Variants in SLAIN1 observed in about 807,000 individuals in gnomAD.
SLAIN1 encodes the protein SLAIN family member 1, also known as SLAIN motif-containing protein 1.
A neutral mutation model predicts 55.4 loss-of-function variants in SLAIN1; 17 were observed. The observed-to-expected ratio is 0.31, with a 90% CI of 0.21 to 0.46. SLAIN1 has a LOEUF of 0.46. Among genes scored for constraint, SLAIN1 ranks in the 20% least tolerant of loss-of-function variants. The pLI, the probability that SLAIN1 is intolerant of heterozygous loss-of-function variation, is 1.00. For missense variants in SLAIN1, 682 were observed against 785.1 expected (o/e 0.87, Z 1.57); for synonymous variants, 348 against 337.4 (o/e 1.03, Z -0.35).
chr13:77,744,301 C>A lies in SLAIN1; in HGVS notation c.785C>A (p.Ser262Tyr). 6.2e-7 allele frequency: 1 copy of A among 1,612,612 alleles called. No individual in the cohort carries two copies. The highest frequency in any genetic ancestry group is 8.5e-7 in the Non-Finnish European group (1 of 1,179,074). ...RLEQGYTSRG[S>Y]PLSPQSSIDS... ...GTTTCAGGTTACACTTCCAGGGGCT[C>A]CCCACTCAGTCCCCAGTCATCTATC... The change falls in exon 3 of 7, where the codon TCC becomes TAC. Residue 262 changes from serine (S) to tyrosine (Y), a missense_variant. Ser to Tyr is a moderately radical substitution (Grantham distance 144). Transcript: ENST00000418532.
At position 77,721,206 on chromosome 13, in the gene SLAIN1, G is replaced by A. The variant is rs532515289; in HGVS notation, c.766+1535G>A. On this transcript the variant is annotated intron_variant, in intron 2 of 6. Transcript: ENST00000418532. ...CATGAGAGCTGATGGTGTTAAGTGT[G>A]GCACTTCCTCGCTCTTTCACTTTCT... Among the ~76,000 whole-genome samples, 34 of 152,152 alleles carry A rather than the reference G, an allele frequency of 2.2e-4. No homozygotes were observed. In the South Asian group the frequency reaches 6.9e-3, roughly 31 times the overall value.
intron 1 of SLAIN1, among the ~76,000 whole-genome samples, chr13:77,702,238 T>G (rs191443962): frequency 1.3e-5 from 2 of 152,200 alleles, no homozygotes; most frequent in African/African-American, 4.8e-5. Context: ...CTTATAGCCC[T>G]ATAGTAAAAC....
intron 2 of SLAIN1, among the ~76,000 whole-genome samples, chr13:77,727,504 C>CAAAA (rs527496050): frequency 8.3e-6 from 1 of 120,326 alleles, no homozygotes; most frequent in African/African-American, 3.0e-5. Flanking sequence ...CTAGCCAAGC[C>CAAAA]AAAAAAAAAA....
intron 2 of SLAIN1, among the ~76,000 whole-genome samples, chr13:77,723,292 G>T (rs1265595933): frequency 6.6e-6 from 1 of 152,076 alleles, no homozygotes; most frequent in Non-Finnish European, 1.5e-5. Flanking sequence ...AGCCATCATG[G>T]TGGGACTTTC....
In SLAIN1 at chr13:77,761,082, C is replaced by A. The variant is rs773067800; in HGVS notation, c.1669C>A (p.Arg557=). 20 of 1,614,070 alleles carry A rather than the reference C, an allele frequency of 1.2e-5. No homozygotes were observed. The highest frequency in any genetic ancestry group is 1.6e-5 in the Non-Finnish European group (19 of 1,179,992). The change falls in exon 6 of 7, where the codon CGA becomes AGA. Residue 557 remains arginine, a synonymous_variant. Transcript: ENST00000418532. ...SLAINGSNLP[R]SKIAQPVRSF... ...GGCAATAAATGGGAGTAACCTGCCT[C>A]GAAGCAAAATTGCACAACCTGTTAG...
Position 77,698,220 on chromosome 13 carries a change from G to C in SLAIN1, c.307G>C (p.Gly103Arg). 7.7e-7 allele frequency: 1 copy of C among 1,305,692 alleles called. No homozygotes were observed. Among genetic ancestry groups the C allele is most frequent in the Non-Finnish European group, 9.7e-7 (1 of 1,026,660 alleles). The allele number at this position is 1,305,692 out of a possible 1,614,324, so 80.9% of individuals were successfully genotyped here. ...GGGCCTGGGGCTCGGGCTGGCGCTG[G>C]GCGCGGGGGGCGGTGGCGGCAGCGG... The part of the protein sequence containing the change: ...SGGLGLGLAL[G>R]AGGGGGSGSG... Residue 103 changes from glycine to arginine, a missense_variant, in exon 1 of 7, where the codon GGC becomes CGC. Around this residue, in one of 3 missense-constraint regions of SLAIN1, gnomAD observed 401 missense variants for 417.3 expected, o/e 0.96. Coordinates refer to ENST00000418532, the MANE Select transcript of SLAIN1 (RefSeq NM_001242868.2). The surrounding 1 kb of genome is among the most constrained non-coding windows in gnomAD (Gnocchi z 4.1).
At chr13:77,760,432 A>G (rs1439933618) in intron 5 of SLAIN1, among the ~76,000 whole-genome samples, 1 of 152,204 alleles carries the variant, frequency 6.6e-6, no homozygotes, top group Non-Finnish European at 1.5e-5. Flanking sequence ...TCTTTTCTGT[A>G]ATTACAACTA....
intron 2 of SLAIN1, among the ~76,000 whole-genome samples, chr13:77,738,643 C>G (rs1248316349): frequency 6.6e-6 from 1 of 152,070 alleles, no homozygotes; most frequent in Admixed American, 6.6e-5. Context: ...CATGTTCTCA[C>G]TTATAAGTGG....
intron 4 of SLAIN1, among the ~76,000 whole-genome samples, chr13:77,747,413 G>A (rs1204149126): frequency 6.6e-6 from 1 of 152,086 alleles, no homozygotes. Context: ...TAGCTGGCTC[G>A]GAATGAGTTA....
rs887567705 is a variant in SLAIN1, at chr13:77,698,785, C to A, written c.626+246C>A. ...GCGGATGAACCGGCCCCCCCTTCCC[C>A]CCATCTGCCATGGGTTCTGCTATTT... On this transcript the variant is annotated intron_variant, in intron 1 of 6. Transcript: ENST00000418532. This position sits in a 1 kb window ranked among gnomAD's most constrained non-coding sequence, Gnocchi z 4.1. 8.7e-6 allele frequency: 11 copies of A among 1,267,342 alleles called. No homozygotes were observed. The highest frequency in any genetic ancestry group is 1.2e-5 in the Non-Finnish European group (11 of 952,732). 78.5% of individuals were successfully genotyped at this position (1,267,342 alleles called of 1,614,324 possible). A position where few individuals can be genotyped will look rare whatever the true frequency, so the allele number is the denominator to read the frequency against.
intron 5 of SLAIN1, among the ~76,000 whole-genome samples, chr13:77,759,116 T>G (rs191898098): frequency 6.6e-6 from 1 of 152,286 alleles, no homozygotes; most frequent in Admixed American, 6.5e-5. Context: ...CAACAGTGTT[T>G]TGTAGTTTTC....
At chr13:77,762,931 A>G (rs937969162) in intron 6 of SLAIN1, among the ~76,000 whole-genome samples, 1 of 152,184 alleles carries the variant, frequency 6.6e-6, no homozygotes, top group Non-Finnish European at 1.5e-5. Context: ...GTGCAAATAC[A>G]ACATGCATGA....
intron 2 of SLAIN1, among the ~76,000 whole-genome samples, chr13:77,738,797 A>G (rs1873264704): frequency 6.6e-6 from 1 of 152,038 alleles, no homozygotes; most frequent in Non-Finnish European, 1.5e-5. Context: ...CCTAACTGAA[A>G]CCAAGCCAGA....
chr13:77,728,020 G>T (rs539693307), intron 2 of SLAIN1, among the ~76,000 whole-genome samples: 64 of 152,256 alleles, frequency 4.2e-4, no homozygotes, highest in Non-Finnish European at 7.9e-4. Context: ...ACAGGTATTT[G>T]TTAGGGATCT....
chr13:77,763,174 C>T lies in SLAIN1; in HGVS notation c.1727C>T (p.Ser576Leu). 1 of 1,614,076 alleles carries T rather than the reference C, an allele frequency of 6.2e-7. No homozygotes were observed. The highest frequency in any genetic ancestry group is 8.5e-7 in the Non-Finnish European group (1 of 1,179,938). The part of the protein sequence containing the change: ...SFLQPPKPLS[S>L]LSTLRDGNWR... ...CTTCAGCCTCCAAAGCCTCTGTCTT[C>T]ACTCAGCACTCTGAGGGATGGAAAT... Residue 576 changes from serine (S) to leucine (L), a missense_variant, in exon 7 of 7, where the codon TCA becomes TTA. Transcript: ENST00000418532.
intron 1 of SLAIN1, among the ~76,000 whole-genome samples, chr13:77,717,881 C>T (rs1566225897): frequency 6.6e-6 from 1 of 152,098 alleles, no homozygotes; most frequent in South Asian, 2.1e-4. Context: ...AGGCATGAGA[C>T]ATTGAGAATA....
At chr13:77,700,293 A>G (rs762597683) in intron 1 of SLAIN1, among the ~76,000 whole-genome samples, 134 of 152,322 alleles carry the variant, frequency 8.8e-4, no homozygotes, top group Non-Finnish European at 1.3e-3. Context: ...TGGTATTAGT[A>G]TATTAGCTCT....
intron 1 of SLAIN1, among the ~76,000 whole-genome samples, chr13:77,700,851 T>TA (rs1341660493): frequency 2.6e-5 from 4 of 152,128 alleles, no homozygotes; most frequent in Non-Finnish European, 5.9e-5. Context: ...ATGCTCATTG[T>TA]AAAAAAACTA....
intron 2 of SLAIN1, among the ~76,000 whole-genome samples, chr13:77,730,707 T>C (rs1289102438): frequency 2.0e-5 from 3 of 152,176 alleles, no homozygotes; most frequent in African/African-American, 7.2e-5. Context: ...CAAGAAACAG[T>C]GTATTTAAAT....
Sources: gnomAD v4.1 joint callset for allele counts (sites outside exome capture counted in the v4.1 genomes callset) on GRCh38, gnomAD v4.1.1 for gene constraint, gnomAD v4.1.1 regional missense constraint, Gnocchi (gnomAD v3.1) non-coding constraint, MANE v1.5 for transcripts, NCBI Gene and HGNC (gene_info 2026-07-23, HGNC 2026-07-21) for gene names.